The following CCDC77 variants were observed in gnomAD, a reference collection of about 807,000 sequenced individuals.
CCDC77 encodes the protein coiled-coil domain-containing protein 77.
A neutral mutation model predicts 66.8 loss-of-function variants in CCDC77; 56 were observed. The observed-to-expected ratio is 0.84, with a 90% CI of 0.68 to 1.05. The LOEUF is 1.05. Among genes scored for constraint, CCDC77 ranks in the 50% least tolerant of loss-of-function variants. CCDC77 has a pLI of 0.00. For synonymous variants in CCDC77, 196 were observed against 195.2 expected, an observed-to-expected ratio of 1.00 and a Z score of -0.03; for missense variants, 570 against 576.8, an observed-to-expected ratio of 0.99 and a Z score of 0.12.
chr12:425,990 G>A (rs1373119268), intron 5 of CCDC77, among the ~76,000 whole-genome samples: 4 of 152,102 alleles, frequency 2.6e-5, no homozygotes, highest in African/African-American at 7.2e-5. Context: ...TCAGCCTCCC[G>A]AGTAGCTGGG....
At chr12:428,434 C>G (rs1945575809) in intron 5 of CCDC77, among the ~76,000 whole-genome samples, 1 of 149,734 alleles carries the variant, frequency 6.7e-6, no homozygotes, top group African/African-American at 2.5e-5. Context: ...TGGCGTGAAC[C>G]CGGCAGGCGG....
chr12:398,271 T>G (rs931110408), upstream of CCDC77, among the ~76,000 whole-genome samples: 50 of 152,188 alleles, frequency 3.3e-4, no homozygotes, highest in Non-Finnish European at 7.3e-5. Flanking sequence ...ATCGACTAAG[T>G]TTATGGAATA....
intron 1 of CCDC77, among the ~76,000 whole-genome samples, chr12:394,665 T>A (rs561332083): frequency 6.6e-6 from 1 of 152,358 alleles, no homozygotes; most frequent in African/African-American, 2.4e-5. Context: ...GTGTGATTTT[T>A]AAAAATTATC....
intron 9 of CCDC77, among the ~76,000 whole-genome samples, chr12:434,938 T>C (rs72472277): frequency 0.025 from 3,776 of 152,228 alleles, 241 homozygotes; most frequent in East Asian, 0.23. Flanking sequence ...CAACAAATGC[T>C]CCCATCCCCG....
chr12:397,496 A>G (rs191003535), upstream of CCDC77, among the ~76,000 whole-genome samples: 1 of 152,320 alleles, frequency 6.6e-6, no homozygotes, highest in African/African-American at 2.4e-5. Flanking sequence ...CCAGACCACC[A>G]TAATAAAGTG....
chr12:405,285 G>A (rs945333494), intron 1 of CCDC77, among the ~76,000 whole-genome samples: 2 of 152,224 alleles, frequency 1.3e-5, no homozygotes, highest in African/African-American at 4.8e-5. Flanking sequence ...AGGACTGGGA[G>A]ACAGGGATAA....
chr12:416,942 C>A (rs1945298465), intron 4 of CCDC77, among the ~76,000 whole-genome samples: 1 of 149,550 alleles, frequency 6.7e-6, no homozygotes, highest in Non-Finnish European at 1.5e-5. Context: ...GAGTTCGAGA[C>A]CAGCCTGACC....
In CCDC77 at chr12:423,466, T is replaced by TTG. The variant is rs1425161008; in HGVS notation, c.413+4834_413+4835dup. On this transcript the variant is annotated intron_variant, in intron 5 of 12. Coordinates refer to ENST00000239830, the MANE Select transcript of CCDC77 (RefSeq NM_032358.4). Reference sequence around the variant, plus strand: ...ACACTTGTTATTTTCTGGGTGTTTTTTGTGTTTTTTGTGTTTTTTTTTGTT... The same window carrying TTG: ...ACACTTGTTATTTTCTGGGTGTTTTTTGTGTGTTTTTTGTGTTTTTTTTTGTT... Among the ~76,000 whole-genome samples the TTG allele has an allele frequency of 2.1e-3, 129 of 60,186 alleles. 12 individuals are homozygous for TTG. Among genetic ancestry groups the TTG allele is most frequent in the Admixed American group, 0.013 (61 of 4,802 alleles). 39.5% of individuals were successfully genotyped at this position (60,186 alleles called of 152,430 possible). A position where few individuals can be genotyped will look rare whatever the true frequency, so the allele number is the denominator to read the frequency against.
At chr12:435,781 C>G (rs1945738747) in intron 9 of CCDC77, among the ~76,000 whole-genome samples, 1 of 152,226 alleles carries the variant, frequency 6.6e-6, no homozygotes, top group South Asian at 2.1e-4. Flanking sequence ...CCCTGTTGCC[C>G]AGGCTGGAGT....
intron 1 of CCDC77, among the ~76,000 whole-genome samples, chr12:393,780 C>T (rs1824336676): frequency 6.6e-6 from 1 of 152,220 alleles, no homozygotes; most frequent in Admixed American, 6.5e-5. Flanking sequence ...GATCCACCTG[C>T]CTCGGCCTCC....
intron 5 of CCDC77, among the ~76,000 whole-genome samples, chr12:423,499 T>TTTTTTTTTTTTTTTG (rs1945470864): frequency 1.2e-5 from 1 of 81,506 alleles, no homozygotes; most frequent in African/African-American, 4.6e-5. Context: ...GTTTTGTTTT[T>TTTTTTTTTTTTTTTG]TTTTTTTTTT....
At chr12:410,656 C>G (rs956896270) in intron 3 of CCDC77, among the ~76,000 whole-genome samples, 2 of 150,794 alleles carry the variant, frequency 1.3e-5, no homozygotes, top group Non-Finnish European at 2.9e-5. Context: ...AGCAATTATT[C>G]TGCCTCAGCC....
chr12:407,864 T>C (rs1181579661), intron 2 of CCDC77, among the ~76,000 whole-genome samples: 1 of 135,500 alleles, frequency 7.4e-6, no homozygotes, highest in African/African-American at 2.8e-5. Flanking sequence ...CTCGGCTCAC[T>C]GCGACCTCCA....
At chr12:423,368 G>T (rs1205097030) in intron 5 of CCDC77, among the ~76,000 whole-genome samples, 1 of 145,156 alleles carries the variant, frequency 6.9e-6, no homozygotes, top group South Asian at 2.1e-4. Context: ...TCAAACTCCT[G>T]AGCTCAAGCA....
chr12:411,214 G>A (rs557717185), intron 3 of CCDC77, among the ~76,000 whole-genome samples: 113 of 150,280 alleles, frequency 7.5e-4, no homozygotes, highest in South Asian at 3.8e-3. Flanking sequence ...TCGCTCTGTC[G>A]CCAGGCTGGA....
At chr12:412,074 T>C in intron 4 of CCDC77, 96 bp downstream of exon 4, 1 of 907,352 alleles carries the variant, frequency 1.1e-6, no homozygotes, top group Non-Finnish European at 1.7e-6. Context: ...GCAGATGTTT[T>C]ATAAAAATAC....
In CCDC77 at chr12:416,341, GGGGGTGTGTGTGTGTGT is replaced by G. The variant is rs1565568954; in HGVS notation, c.271-2151_271-2135del. 3.9e-4 allele frequency among the ~76,000 whole-genome samples: 14 copies of G among 35,882 alleles called. 1 individual carries two copies. Among genetic ancestry groups the G allele is most frequent in the Non-Finnish European group, 4.3e-4 (10 of 23,004 alleles). 23.5% of individuals were successfully genotyped at this position (35,882 alleles called of 152,430 possible). On this transcript the variant is annotated intron_variant, in intron 4 of 12. Transcript: ENST00000239830. ...TGTGTGTGTGAGTCTGTGGGTGTGTGGGGGTGTGTGTGTGTGTGTGTGTGTGTGTGTGTGTGTATATA... is the reference window on the plus strand; with the variant it reads ...TGTGTGTGTGAGTCTGTGGGTGTGTGGTGTGTGTGTGTGTGTGTGTATATA...
intron 1 of CCDC77, among the ~76,000 whole-genome samples, chr12:393,595 G>T (rs12306875): frequency 6.6e-6 from 1 of 150,800 alleles, no homozygotes; most frequent in African/African-American, 2.4e-5. Flanking sequence ...GCAATGGTGC[G>T]ATCTCAGCTC....
At chr12:424,961 C>G (rs1007100557) in intron 5 of CCDC77, among the ~76,000 whole-genome samples, 4 of 149,306 alleles carry the variant, frequency 2.7e-5, no homozygotes, top group Non-Finnish European at 5.9e-5. Context: ...GACAGGGTCT[C>G]CCTCTGTCAC....
Sources: allele counts gnomAD v4.1 joint callset (sites outside exome capture counted in the v4.1 genomes callset), GRCh38; gene constraint gnomAD v4.1.1; transcripts MANE v1.5; gene names NCBI Gene and HGNC (gene_info 2026-07-23, HGNC 2026-07-21).